KLHDC4: variants seen among roughly 807,000 people sequenced by gnomAD.
KLHDC4 encodes the protein kelch domain-containing protein 4.
KLHDC4 carries 90 observed loss-of-function variants against 62.4 expected under a neutral mutation model. That is an observed-to-expected ratio of 1.44 (90% confidence interval 1.22 to 1.72). KLHDC4 has a LOEUF of 1.72. KLHDC4 is among the 40% of genes most tolerant of loss of function. The probability of loss-of-function intolerance (pLI) is 0.00; values close to 1 mark genes in which losing one functional copy is unlikely to be tolerated. For synonymous variants in KLHDC4, 386 were observed against 284.4 expected (o/e 1.36, Z -3.59); for missense variants, 1,025 against 699.7 (o/e 1.47, Z -5.25).
At chr16:87,703,197 G>A (rs150627902), downstream of KLHDC4, 3 of 152,246 alleles carry the variant, frequency 2.0e-5, no homozygotes, top group African/African-American at 7.2e-5. Flanking sequence ...GCTGTGAGCA[G>A]GAATCGCGAG....
chr16:87,740,882 G>GATCTATGC (rs1188238127), intron 5 of KLHDC4: 3 of 152,176 alleles, frequency 2.0e-5, no homozygotes, highest in Non-Finnish European at 2.9e-5. Context: ...ACAGTACGGA[G>GATCTATGC]ATCTATGCTG....
intron 5 of KLHDC4, among the ~76,000 whole-genome samples, chr16:87,744,698 A>C (rs991723483): frequency 6.6e-6 from 1 of 152,266 alleles, no homozygotes; most frequent in African/African-American, 2.4e-5. Context: ...ATCAAAATAT[A>C]CCATAAAGCT....
intron 6 of KLHDC4, among the ~76,000 whole-genome samples, chr16:87,728,200 A>T (rs1047279392): frequency 6.6e-6 from 1 of 152,178 alleles, no homozygotes; most frequent in African/African-American, 2.4e-5. Context: ...AAGAAGAAAG[A>T]AAAGATAACC....
intron 7 of KLHDC4, among the ~76,000 whole-genome samples, chr16:87,723,136 C>T (rs1470775049): frequency 1.3e-5 from 2 of 152,260 alleles, no homozygotes; most frequent in African/African-American, 4.8e-5. Flanking sequence ...ACCAAAGTTT[C>T]TATCAGTTCG....
downstream of KLHDC4, among the ~76,000 whole-genome samples, chr16:87,706,275 T>G (rs976334454): frequency 5.5e-4 from 7 of 12,736 alleles, no homozygotes; most frequent in Non-Finnish European, 7.1e-4. Flanking sequence ...AGGGGGTCGG[T>G]GGCGGGGAGG....
At chr16:87,741,284 G>A (rs1377288098) in intron 5 of KLHDC4, among the ~76,000 whole-genome samples, 5 of 152,250 alleles carry the variant, frequency 3.3e-5, no homozygotes, top group Admixed American at 2.6e-4. Flanking sequence ...GGCCTGGACA[G>A]AGGCCCAGGC....
In KLHDC4 at chr16:87,726,935, G is replaced by C. The variant is rs190773223; in HGVS notation, c.600-11C>G. ...TAGTAGATGTAATCCCTGGTTAGAA[G>C]AACAGCAGCTGTCAGGGTCCGTAAC... On this transcript the variant is annotated splice_polypyrimidine_tract_variant and intron_variant, in intron 6 of 11. Transcript: ENST00000270583. 3.1e-6 allele frequency: 5 copies of C among 1,613,342 alleles called. No homozygotes were observed. Among genetic ancestry groups the C allele is most frequent in the Non-Finnish European group, 4.2e-6 (5 of 1,179,616 alleles).
At chr16:87,711,829 G>GTCCCCGTGGGCAGGCC (rs1294678956) in intron 8 of KLHDC4, among the ~76,000 whole-genome samples, 1 of 147,122 alleles carries the variant, frequency 6.8e-6, no homozygotes. Flanking sequence ...CGCCCAGGGG[G>GTCCCCGTGGGCAGGCC]CTGAGTGGCC....
At chr16:87,722,048 G>T (rs13339331) in intron 7 of KLHDC4, among the ~76,000 whole-genome samples, 1 of 152,020 alleles carries the variant, frequency 6.6e-6, no homozygotes, top group Non-Finnish European at 1.5e-5. Context: ...CCACGACACC[G>T]GAAGCACATA....
intron 5 of KLHDC4, among the ~76,000 whole-genome samples, chr16:87,739,570 A>G (rs909375893): frequency 4.8e-5 from 7 of 145,832 alleles, no homozygotes; most frequent in Non-Finnish European, 8.9e-5. Context: ...TCCACACACC[A>G]GCACGTCATC....
At chr16:87,739,973 G>A (rs1382142659) in intron 5 of KLHDC4, 1 of 152,240 alleles carries the variant, frequency 6.6e-6, no homozygotes, top group South Asian at 2.1e-4. Context: ...TGATTTGAGG[G>A]TATATGAATC....
In KLHDC4 at chr16:87,711,399, T is replaced by C; in HGVS notation, c.880A>G (p.Thr294Ala). 1 of 1,613,208 alleles carries C rather than the reference T, an allele frequency of 6.2e-7. No individual in the cohort carries two copies. The highest frequency in any genetic ancestry group is 8.5e-7 in the Non-Finnish European group (1 of 1,179,964). The change falls in exon 9 of 12, where the codon ACC (threonine) becomes GCC (alanine). Residue 294 changes from threonine (T) to alanine (A), a missense_variant. Coordinates refer to ENST00000270583, the MANE Select transcript of KLHDC4 (RefSeq NM_017566.4). Reference protein sequence around the residue: ...TRMNPSGVKPTPRSGFSVAMA... With the variant: ...TRMNPSGVKPAPRSGFSVAMA... ...GCCACGGAAAAGCCAGACCGTGGGG[T>C]GGGCTTGACCCCCGAAGGGTTCATC...
intron 5 of KLHDC4, among the ~76,000 whole-genome samples, chr16:87,743,920 G>T (rs1318075021): frequency 6.6e-6 from 1 of 152,098 alleles, no homozygotes; most frequent in Non-Finnish European, 1.5e-5. Context: ...GTATGATGCT[G>T]TCACTGCCTA....
chr16:87,741,769 C>T (rs554753516), intron 5 of KLHDC4, among the ~76,000 whole-genome samples: 1 of 152,336 alleles, frequency 6.6e-6, no homozygotes, highest in East Asian at 1.9e-4. Flanking sequence ...AGACTGACTA[C>T]TCCAGATACT....
At chr16:87,703,099 G>A (rs1040750686), downstream of KLHDC4, 12 of 152,240 alleles carry the variant, frequency 7.9e-5, no homozygotes, top group Non-Finnish European at 1.8e-4. Flanking sequence ...CTTTACTGAA[G>A]GTCCTTCCGC....
chr16:87,706,498 G>A (rs933515579), downstream of KLHDC4, among the ~76,000 whole-genome samples: 4 of 152,176 alleles, frequency 2.6e-5, no homozygotes, highest in African/African-American at 9.7e-5. Flanking sequence ...GGCACCTGCA[G>A]CCTCACTCCT....
rs1412355565 is a variant in KLHDC4, at chr16:87,748,670, T to C, written c.506+3A>G. 1 of 1,613,508 alleles carries C rather than the reference T, an allele frequency of 6.2e-7. No homozygotes were observed. The highest frequency in any genetic ancestry group is 8.5e-7 in the Non-Finnish European group (1 of 1,179,864). On this transcript the variant is annotated splice_donor_region_variant and intron_variant, in intron 5 of 11. Transcript: ENST00000270583. ...GAGCTCAGCTTCTCATCTGGCTTCT[T>C]ACTTGACTTGTTCCCAGGTCTTGGT...
intron 4 of KLHDC4, among the ~76,000 whole-genome samples, 185 bp downstream of exon 4, chr16:87,755,009 T>C (rs1236193405): frequency 6.6e-6 from 1 of 152,094 alleles, no homozygotes; most frequent in African/African-American, 2.4e-5. Context: ...GGAGCAGGTG[T>C]TCTCCTCCCC....
In KLHDC4 at chr16:87,711,228, G is replaced by A. The variant is rs772403199; in HGVS notation, c.1044+7C>T. 1.9e-6 allele frequency: 3 copies of A among 1,613,666 alleles called. No homozygotes were observed. Among genetic ancestry groups the A allele is most frequent in the Admixed American group, 3.3e-5 (2 of 60,014 alleles). ...CCACGGCGCATGCTACTCAGAGGTT[G>A]CACTACCTTCAGCTGTCCCTCAAAC... On this transcript the variant is annotated splice_region_variant and intron_variant, in intron 9 of 11. Transcript: ENST00000270583.
Sources: gnomAD v4.1 joint callset for allele counts (sites outside exome capture counted in the v4.1 genomes callset) on GRCh38, gnomAD v4.1.1 for gene constraint, MANE v1.5 for transcripts, NCBI Gene and HGNC (gene_info 2026-07-23, HGNC 2026-07-21) for gene names.